BCAS4: variants seen among roughly 807,000 people sequenced by gnomAD.
BCAS4 encodes breast carcinoma-amplified sequence 4.
BCAS4 carries 9 observed loss-of-function variants against 15.7 expected under a neutral mutation model. That is an observed-to-expected ratio of 0.57 (90% confidence interval 0.34 to 1.00). The LOEUF (loss-of-function observed/expected upper bound fraction) is 1.00. Among genes scored for constraint, BCAS4 ranks in the 50% least tolerant of loss-of-function variants. The pLI is 0.02. For missense variants in BCAS4, 225 were observed against 239.1 expected (o/e 0.94, Z 0.39); for synonymous variants, 101 against 99.5 (o/e 1.02, Z -0.09).
chr20:50,812,795 T>C (rs1054618179), intron 1 of BCAS4, among the ~76,000 whole-genome samples: 1 of 152,038 alleles, frequency 6.6e-6, no homozygotes, highest in African/African-American at 2.4e-5. Flanking sequence ...GAGCATATTT[T>C]TCATTTCTTT....
chr20:50,797,541 G>A (rs1467179462), intron 1 of BCAS4, among the ~76,000 whole-genome samples: 1 of 151,906 alleles, frequency 6.6e-6, no homozygotes, highest in Non-Finnish European at 1.5e-5. Context: ...ACAAAAAAAT[G>A]TTAAAATATA....
chr20:50,835,379 G>A (rs917900015), intron 3 of BCAS4, among the ~76,000 whole-genome samples: 1 of 151,658 alleles, frequency 6.6e-6, no homozygotes, highest in Non-Finnish European at 1.5e-5. Context: ...CAAGTAGCTG[G>A]GACTATAGGC....
At chr20:50,830,499 G>A in intron 3 of BCAS4, 119 bp downstream of exon 3, 2 of 760,100 alleles carry the variant, frequency 2.6e-6, no homozygotes, top group Non-Finnish European at 2.1e-6. Flanking sequence ...CAGGGGGTTG[G>A]TGGTGGGAGT....
upstream of BCAS4, chr20:50,795,037 A>C: frequency 1.5e-5 from 21 of 1,437,452 alleles, no homozygotes; most frequent in Admixed American, 2.4e-5. Context: ...GGGCGCAACC[A>C]CGGGCTCCCA....
chr20:50,848,717 C>T (rs984522533), intron 4 of BCAS4, among the ~76,000 whole-genome samples: 2 of 152,260 alleles, frequency 1.3e-5, no homozygotes, highest in African/African-American at 4.8e-5. Context: ...CAGAGCTGAG[C>T]AGGGCACGTG....
intron 1 of BCAS4, among the ~76,000 whole-genome samples, chr20:50,806,620 G>T (rs148759037): frequency 6.6e-6 from 1 of 152,142 alleles, no homozygotes; most frequent in Non-Finnish European, 1.5e-5. Context: ...CCTCCATGTG[G>T]CCTCTCAACC....
intron 4 of BCAS4, among the ~76,000 whole-genome samples, chr20:50,865,043 A>C (rs1979287150): frequency 6.6e-6 from 1 of 152,126 alleles, no homozygotes; most frequent in Non-Finnish European, 1.5e-5. Flanking sequence ...CAGTGAGCCG[A>C]GATCGCACCA....
At chr20:50,841,703 T>C (rs941323177) in intron 3 of BCAS4, 63 bp from the exon 4 acceptor site, 10 of 1,607,864 alleles carry the variant, frequency 6.2e-6, no homozygotes, top group African/African-American at 1.3e-5. Context: ...GCCCAGGGAG[T>C]GTGGCCAGGA....
chr20:50,858,719 T>C (rs868570263), intron 4 of BCAS4, among the ~76,000 whole-genome samples: 10 of 143,256 alleles, frequency 7.0e-5, no homozygotes, highest in South Asian at 2.2e-4. Flanking sequence ...TTTTTTTTTT[T>C]CTTGAATTTT....
At chr20:50,873,856 G>A (rs1250258537) in intron 4 of BCAS4, among the ~76,000 whole-genome samples, 1 of 152,220 alleles carries the variant, frequency 6.6e-6, no homozygotes, top group Admixed American at 6.5e-5. Flanking sequence ...CCTTGGCCAG[G>A]TGCGTCACTT....
intron 1 of BCAS4, among the ~76,000 whole-genome samples, chr20:50,802,033 G>A (rs949278601): frequency 1.3e-5 from 2 of 152,050 alleles, no homozygotes; most frequent in African/African-American, 4.8e-5. Context: ...ATGAAGGACA[G>A]GTTCTGATTT....
intron 4 of BCAS4, among the ~76,000 whole-genome samples, chr20:50,852,651 G>A (rs1163654034): frequency 6.6e-6 from 1 of 152,140 alleles, no homozygotes; most frequent in Non-Finnish European, 1.5e-5. Flanking sequence ...CAAAGTGCTG[G>A]GATTACAGGT....
intron 4 of BCAS4, 58 bp downstream of exon 4, chr20:50,841,958 C>T (rs1040090394): frequency 2.7e-6 from 4 of 1,500,074 alleles, no homozygotes; most frequent in Non-Finnish European, 2.7e-6. Context: ...CTCCGCAGAC[C>T]CCAGCGTGGG....
chr20:50,818,323 A>T (rs751692923), intron 2 of BCAS4, 41 bp downstream of exon 2: 8 of 1,188,044 alleles, frequency 6.7e-6, no homozygotes, highest in Non-Finnish European at 6.7e-6. Flanking sequence ...GGCCCAGGCC[A>T]GACTTCAGGC....
intron 4 of BCAS4, among the ~76,000 whole-genome samples, chr20:50,861,027 T>C (rs1979039749): frequency 6.7e-6 from 1 of 149,858 alleles, no homozygotes; most frequent in South Asian, 2.1e-4. Flanking sequence ...TGGATACGTT[T>C]GCAGGCAGAG....
At chr20:50,831,044 T>A (rs1410537631) in intron 3 of BCAS4, among the ~76,000 whole-genome samples, 1 of 152,060 alleles carries the variant, frequency 6.6e-6, no homozygotes, top group Non-Finnish European at 1.5e-5. Context: ...TTTAGTGAAT[T>A]TTTACATATA....
intron 4 of BCAS4, among the ~76,000 whole-genome samples, chr20:50,853,406 A>G (rs1190654564): frequency 6.6e-6 from 1 of 151,960 alleles, no homozygotes; most frequent in Non-Finnish European, 1.5e-5. Context: ...CAGCCTCCCA[A>G]AAGGATTACA....
intron 1 of BCAS4, among the ~76,000 whole-genome samples, chr20:50,803,690 A>G (rs2087955534): frequency 6.6e-6 from 1 of 151,848 alleles, no homozygotes; most frequent in Admixed American, 6.6e-5. Context: ...AAAATAAAAT[A>G]ATAAATTAGC....
chr20:50,796,569 A>G (rs576694664), intron 1 of BCAS4, among the ~76,000 whole-genome samples: 6 of 117,238 alleles, frequency 5.1e-5, no homozygotes, highest in Non-Finnish European at 8.2e-5. Flanking sequence ...ATCTCAGCTC[A>G]CTGCAACCTC....
Sources: gnomAD v4.1 joint callset for allele counts (sites outside exome capture counted in the v4.1 genomes callset) on GRCh38, gnomAD v4.1.1 for gene constraint, MANE v1.5 for transcripts, NCBI Gene and HGNC (gene_info 2026-07-23, HGNC 2026-07-21) for gene names.